Variants in MBTD1 observed in about 807,000 individuals in gnomAD.
MBTD1 encodes mbt domain containing 1, also known as MBT domain-containing protein 1.
Under a neutral mutation model 87.8 loss-of-function variants are expected in MBTD1, and 24 were observed. The observed-to-expected ratio is 0.27, with a 90% CI of 0.20 to 0.38. The LOEUF (loss-of-function observed/expected upper bound fraction) is 0.38, where lower values mean the gene tolerates loss of function less well. MBTD1 is among the 10% of genes least tolerant of loss of function. MBTD1 has a pLI of 1.00. For missense variants in MBTD1, 436 were observed against 760.2 expected (o/e 0.57, Z 5.02); for synonymous variants, 237 against 248.6 (o/e 0.95, Z 0.44).
chr17:51,223,789 T>C (rs191320758), intron 3 of MBTD1, among the ~76,000 whole-genome samples: 236 of 152,066 alleles, frequency 1.6e-3, no homozygotes, highest in African/African-American at 5.4e-3. Context: ...TGAGCCGAGA[T>C]TGCACCACTG....
intron 2 of MBTD1, among the ~76,000 whole-genome samples, chr17:51,253,614 A>G (rs1181285251): frequency 6.6e-6 from 1 of 152,196 alleles, no homozygotes; most frequent in Non-Finnish European, 1.5e-5. Flanking sequence ...AGGAGTAGCT[A>G]AACTTTTAGC....
At chr17:51,259,240 AACG>A (rs2055293428) in intron 1 of MBTD1, 34 bp from the exon 2 acceptor site, 2 of 1,231,218 alleles carry the variant, frequency 1.6e-6, no homozygotes, top group East Asian at 6.3e-5. Flanking sequence ...CACAAAGGAG[AACG>A]CAATGGTCAC....
intron 12 of MBTD1, among the ~76,000 whole-genome samples, chr17:51,198,784 G>C (rs1476589677): frequency 2.0e-5 from 3 of 152,012 alleles, no homozygotes; most frequent in Admixed American, 2.0e-4. Context: ...ACATGGAGTC[G>C]ATCATGGGAA....
intron 2 of MBTD1, among the ~76,000 whole-genome samples, chr17:51,229,882 G>T (rs1220010311): frequency 2.0e-5 from 3 of 151,928 alleles, no homozygotes; most frequent in Non-Finnish European, 2.9e-5. Flanking sequence ...GGATGGTCTC[G>T]ATCTCCTGAC....
chr17:51,196,618 G>A lies in MBTD1; in HGVS notation c.1225-1257C>T, dbSNP rs539130808. On this transcript the variant is annotated intron_variant, in intron 12 of 16. Coordinates refer to ENST00000586178, the MANE Select transcript of MBTD1 (RefSeq NM_017643.3). ...TATATTAAAAATATTTTGGCTGGGC[G>A]TGGTAGCTCATGCCTGTAATCTCAG... 3.3e-5 allele frequency among the ~76,000 whole-genome samples: 5 copies of A among 151,934 alleles called. No homozygotes were observed. In the East Asian group the frequency reaches 5.9e-4, roughly 18 times the overall value.
Position 51,201,532 on chromosome 17 carries a change from T to A in MBTD1, c.1224+60A>T, listed in dbSNP as rs2051489007. ...AACGAATATGCTTGGGGACTCCTTC[T>A]ATTAGCTTATACCCAAATCCTATAA... On this transcript the variant is annotated intron_variant, in intron 12 of 16. Coordinates refer to ENST00000586178, the MANE Select transcript of MBTD1 (RefSeq NM_017643.3). 6.7e-6 allele frequency: 7 copies of A among 1,049,136 alleles called. No individual in the cohort carries two copies. The Admixed American group carries it at 1.3e-4, about 19-fold the overall frequency. 65.0% of individuals were successfully genotyped at this position (1,049,136 alleles called of 1,614,324 possible).
intron 2 of MBTD1, among the ~76,000 whole-genome samples, chr17:51,233,044 C>T (rs572085942): frequency 3.9e-5 from 4 of 103,582 alleles, no homozygotes; most frequent in African/African-American, 7.9e-5. Context: ...GGTGACAGAG[C>T]GAGACCTTCC....
intron 2 of MBTD1, among the ~76,000 whole-genome samples, chr17:51,240,795 T>C (rs2054119241): frequency 6.6e-6 from 1 of 152,134 alleles, no homozygotes; most frequent in Non-Finnish European, 1.5e-5. Context: ...GAGTGGAATG[T>C]TCATATTAAG....
At chr17:51,187,299 G>C (rs927093177) in intron 16 of MBTD1, among the ~76,000 whole-genome samples, 1 of 151,198 alleles carries the variant, frequency 6.6e-6, no homozygotes. Flanking sequence ...CAATGCTGGA[G>C]TCTGATGTGG....
At chr17:51,260,508 C>A (rs1050691591), upstream of MBTD1, 11 of 1,462,928 alleles carry the variant, frequency 7.5e-6, no homozygotes, top group Middle Eastern at 2.3e-4. Context: ...GCTTCGGCGG[C>A]GGCGGCCCGC....
chr17:51,184,726 C>T (rs1438250177), intron 16 of MBTD1: 1 of 152,072 alleles, frequency 6.6e-6, no homozygotes, highest in Non-Finnish European at 1.5e-5. Flanking sequence ...GAAAATACAT[C>T]CAAGATCCAA....
At chr17:51,220,066 G>A (rs372735974) in intron 4 of MBTD1, among the ~76,000 whole-genome samples, 1 of 152,166 alleles carries the variant, frequency 6.6e-6, no homozygotes, top group African/African-American at 2.4e-5. Context: ...ATAAAAAAGT[G>A]TTTATACTTA....
At chr17:51,248,368 T>C (rs1259160640) in intron 2 of MBTD1, among the ~76,000 whole-genome samples, 1 of 152,230 alleles carries the variant, frequency 6.6e-6, no homozygotes, top group Non-Finnish European at 1.5e-5. Context: ...CCACAGATTC[T>C]GGTATGTAGT....
In MBTD1 at chr17:51,192,185, C is replaced by T. The variant is rs1398466316; in HGVS notation, c.1768+18G>A. ...TTAACAATTAGAAAATGTATGTGAA[C>T]ACCACGTGGTGACCCACTTTTCTTA... On this transcript the variant is annotated intron_variant, in intron 16 of 16. Transcript: ENST00000586178. The T allele has an allele frequency of 1.3e-6, 2 of 1,528,206 alleles. No individual in the cohort carries two copies. The highest frequency in any genetic ancestry group is 1.8e-6 in the Non-Finnish European group (2 of 1,126,584). The allele number at this position is 1,528,206 out of a possible 1,614,324, so 94.7% of individuals were successfully genotyped here. A position where few individuals can be genotyped will look rare whatever the true frequency, so the allele number is the denominator to read the frequency against.
chr17:51,247,087 G>A (rs897689562), intron 2 of MBTD1, among the ~76,000 whole-genome samples: 6 of 152,324 alleles, frequency 3.9e-5, no homozygotes, highest in African/African-American at 1.4e-4. Flanking sequence ...ATGTGCATAT[G>A]TGTGTATTCA....
chr17:51,213,558 A>G (rs978304756), intron 6 of MBTD1, among the ~76,000 whole-genome samples: 1 of 152,174 alleles, frequency 6.6e-6, no homozygotes, highest in Non-Finnish European at 1.5e-5. Flanking sequence ...AAAAAAAAAA[A>G]AAGACTTGCA....
intron 2 of MBTD1, among the ~76,000 whole-genome samples, chr17:51,235,844 C>A (rs941941499): frequency 6.6e-6 from 1 of 152,046 alleles, no homozygotes; most frequent in African/African-American, 2.4e-5. Flanking sequence ...TCTAGAATAG[C>A]CAAAGCAAAT....
rs2055289895 is a variant in MBTD1 at position 51,259,199 on chromosome 17, T to C, written c.-105A>G. The C allele has an allele frequency of 2.5e-6, 3 of 1,195,802 alleles. No individual in the cohort carries two copies. The highest frequency in any genetic ancestry group is 3.1e-6 in the Non-Finnish European group (3 of 954,842). 74.1% of individuals were successfully genotyped at this position (1,195,802 alleles called of 1,614,324 possible). Reference sequence around the variant, plus strand: ...TGCTTTGGATGACCTCTAATGTCTCTTCCGACTCTGAAATGTTAGGATTCT... The same window carrying C: ...TGCTTTGGATGACCTCTAATGTCTCCTCCGACTCTGAAATGTTAGGATTCT... On this transcript the variant is annotated 5_prime_UTR_variant, in exon 2 of 17. Transcript: ENST00000586178.
intron 16 of MBTD1, among the ~76,000 whole-genome samples, chr17:51,188,753 G>GT (rs767959315): frequency 0.045 from 4,876 of 108,334 alleles, 142 homozygotes; most frequent in African/African-American, 0.097. Context: ...ATTCAAATAG[G>GT]TTTTTTTTTT....
Sources: gnomAD v4.1 joint callset for allele counts (sites outside exome capture counted in the v4.1 genomes callset) on GRCh38, gnomAD v4.1.1 for gene constraint, MANE v1.5 for transcripts, NCBI Gene and HGNC (gene_info 2026-07-23, HGNC 2026-07-21) for gene names.